The following CYP4A22 variants were observed in gnomAD, a reference collection of about 807,000 sequenced individuals.
CYP4A22 encodes cytochrome P450 family 4 subfamily A member 22.
A neutral mutation model predicts 56.2 loss-of-function variants in CYP4A22; 46 were observed. That is an observed-to-expected ratio of 0.82 (90% CI 0.65 to 1.05). The LOEUF is 1.05. Ranked by LOEUF, CYP4A22 falls within the 50% of genes least tolerant of loss-of-function variation. The pLI, the probability that CYP4A22 is intolerant of heterozygous loss-of-function variation, is 0.00. For missense variants in CYP4A22, 541 were observed against 645.9 expected (o/e 0.84, Z 1.76); for synonymous variants, 193 against 251.1 (o/e 0.77, Z 2.19).
At chr1:47,147,360 T>C (rs1285962955) in intron 11 of CYP4A22, 7 of 985,034 alleles carry the variant, frequency 7.1e-6, no homozygotes, top group Non-Finnish European at 8.4e-6. Flanking sequence ...TTTTATTCAT[T>C]TTAAAACTTA....
chr1:47,143,237 A>G (rs1179507250), intron 4 of CYP4A22, 32 bp from the exon 5 acceptor site: 4 of 1,573,034 alleles, frequency 2.5e-6, no homozygotes, highest in South Asian at 1.2e-5. Context: ...CTTCTTGGAG[A>G]TTAAGAAGGT....
intron 11 of CYP4A22, chr1:47,146,776 T>C (rs548940029): frequency 1.2e-4 from 123 of 988,316 alleles, no homozygotes; most frequent in South Asian, 5.6e-4. Context: ...TACTTCATTA[T>C]ATAGTGTTCA....
In CYP4A22 at chr1:47,144,669, A is replaced by G. The variant is rs138538377; in HGVS notation, c.1017A>G (p.Thr339=). 9.9e-6 allele frequency: 16 copies of G among 1,613,764 alleles called. No homozygotes were observed. In the African/African-American group the frequency reaches 2.0e-4, roughly 20 times the overall value. Reference sequence around the variant, plus strand: ...CCTGGATCCTCTATGCTCTGGCCACACACCCCAAGCATCAGGAGAGGTGCC... The same window carrying G: ...CCTGGATCCTCTATGCTCTGGCCACGCACCCCAAGCATCAGGAGAGGTGCC... The part of the protein sequence containing the change: ...GISWILYALA[T]HPKHQERCRE... Residue 339 remains threonine, a synonymous_variant, in exon 8 of 12, where the codon ACA becomes ACG. Coordinates refer to ENST00000371891, the MANE Select transcript of CYP4A22 (RefSeq NM_001010969.4).
intron 11 of CYP4A22, among the ~76,000 whole-genome samples, chr1:47,147,801 C>A (rs1188857279): frequency 6.6e-6 from 1 of 152,122 alleles, no homozygotes; most frequent in Non-Finnish European, 1.5e-5. Flanking sequence ...GGCAAGAGCC[C>A]ACGGAGGGCT....
chr1:47,139,798 C>T (rs1333070791), intron 1 of CYP4A22, among the ~76,000 whole-genome samples: 2 of 152,180 alleles, frequency 1.3e-5, no homozygotes, highest in Non-Finnish European at 2.9e-5. Context: ...CTACATGGAA[C>T]ATCACTAGGA....
chr1:47,141,237 C>T (rs184427237), intron 2 of CYP4A22, among the ~76,000 whole-genome samples: 2 of 152,330 alleles, frequency 1.3e-5, no homozygotes, highest in African/African-American at 2.4e-5. Flanking sequence ...GGTTTCGAAG[C>T]TCTAATTGTT....
At chr1:47,140,334 A>G (rs965207176) in intron 1 of CYP4A22, among the ~76,000 whole-genome samples, 4 of 152,238 alleles carry the variant, frequency 2.6e-5, no homozygotes, top group Non-Finnish European at 5.9e-5. Flanking sequence ...TTATCTCAAC[A>G]AATATTTACC....
Position 47,149,478 on chromosome 1 carries a change from C to T in CYP4A22, c.*681C>T, listed in dbSNP as rs1264314091. 6.6e-6 allele frequency: 1 copy of T among 152,268 alleles called. No homozygotes were observed. Among genetic ancestry groups the T allele is most frequent in the Non-Finnish European group, 1.5e-5 (1 of 68,074 alleles). 9.4% of individuals were successfully genotyped at this position (152,268 alleles called of 1,614,324 possible). On this transcript the variant is annotated 3_prime_UTR_variant, in exon 12 of 12. Coordinates refer to ENST00000371891, the MANE Select transcript of CYP4A22 (RefSeq NM_001010969.4). ...GGGCCTTCACAGCCTCCATACTTAG[C>T]TTTGGCGCCCTGGACCCACTTTCTC...
At chr1:47,145,116 A>G in intron 9 of CYP4A22, 146 bp downstream of exon 9, 1 of 1,397,932 alleles carries the variant, frequency 7.2e-7, no homozygotes. Flanking sequence ...ATTTAGGATG[A>G]ATTTGAAAAG....
chr1:47,143,330 T>G lies in CYP4A22; in HGVS notation c.572T>G (p.Leu191Trp), dbSNP rs1166712716. The change falls in exon 5 of 12, where the codon TTG (leucine) becomes TGG (tryptophan). Residue 191 changes from leucine to tryptophan, a missense_variant. Physicochemically the swap from Leu to Trp is moderately conservative, Grantham distance 61 (BLOSUM62 -2). Coordinates refer to ENST00000371891, the MANE Select transcript of CYP4A22 (RefSeq NM_001010969.4). ...SPLEVFQHVS[L>W]MTLDTIMKSA... ...CTGGAGGTCTTTCAGCACGTCTCCT[T>G]GATGACCCTGGACACCATCATGAAG... 2 of 1,613,910 alleles carry G rather than the reference T, an allele frequency of 1.2e-6. No homozygotes were observed. Among genetic ancestry groups the G allele is most frequent in the Admixed American group, 1.7e-5 (1 of 60,016 alleles).
At chr1:47,147,191 A>C in intron 11 of CYP4A22, 1 of 985,468 alleles carries the variant, frequency 1.0e-6, no homozygotes, top group Middle Eastern at 5.2e-4. Flanking sequence ...CTTCCTCCTG[A>C]AACTCCTTCT....
Position 47,143,181 on chromosome 1 carries a change from A to G in CYP4A22, c.511-88A>G, listed in dbSNP as rs895183837. On this transcript the variant is annotated intron_variant, in intron 4 of 11. Coordinates refer to ENST00000371891, the MANE Select transcript of CYP4A22 (RefSeq NM_001010969.4). ...TATCTGCAAGCTACAGGAAAAAACAAGATATCTGCAGGTACATGAAAAAGC... is the reference window on the plus strand; with the variant it reads ...TATCTGCAAGCTACAGGAAAAAACAGGATATCTGCAGGTACATGAAAAAGC... 37 of 1,540,484 alleles carry G rather than the reference A, an allele frequency of 2.4e-5. 3 individuals are homozygous for G. Among genetic ancestry groups the G allele is most frequent in the African/African-American group, 1.2e-4 (9 of 72,842 alleles).
At chr1:47,147,770 G>A (rs1645091661) in intron 11 of CYP4A22, among the ~76,000 whole-genome samples, 1 of 152,164 alleles carries the variant, frequency 6.6e-6, no homozygotes. Context: ...GATGTGGGCT[G>A]GACAGGTAAA....
At position 47,145,950 on chromosome 1, in the gene CYP4A22, A is replaced by G; in HGVS notation, c.1287+20A>G. ...CTAGAGGTATGTGGTCCTTGAGAGG[A>G]GGAAATGGGGTGATCTCTCAAGACC... is the stretch of plus-strand genomic sequence containing the variant. On this transcript the variant is annotated intron_variant, in intron 10 of 11. Transcript: ENST00000371891. 1 of 1,614,036 alleles carries G rather than the reference A, an allele frequency of 6.2e-7. No individual in the cohort carries two copies. The highest frequency in any genetic ancestry group is 8.5e-7 in the Non-Finnish European group (1 of 1,179,988).
At chr1:47,147,119 G>C in intron 11 of CYP4A22, 1 of 985,440 alleles carries the variant, frequency 1.0e-6, no homozygotes. Flanking sequence ...AACAAAGTTT[G>C]TTCAAAGAAA....
chr1:47,141,562 AC>A lies in CYP4A22; in HGVS notation c.338-8del. ...CTAGTTTCCTATAAAGCCCTTTCTT[AC>A]TTTTCAGACCCGAAATCCCATGGAT... On this transcript the variant is annotated splice_polypyrimidine_tract_variant and splice_region_variant and intron_variant, in intron 2 of 11. Coordinates refer to ENST00000371891, the MANE Select transcript of CYP4A22 (RefSeq NM_001010969.4). The A allele has an allele frequency of 6.2e-7, 1 of 1,613,344 alleles. No homozygotes were observed. The highest frequency in any genetic ancestry group is 8.5e-7 in the Non-Finnish European group (1 of 1,179,512).
chr1:47,145,793 C>T, intron 9 of CYP4A22, 73 bp from the exon 10 acceptor site: 1 of 1,596,752 alleles, frequency 6.3e-7, no homozygotes, highest in Non-Finnish European at 8.5e-7. Flanking sequence ...CTTCTTTTGC[C>T]CCTGCAGGCT....
intron 4 of CYP4A22, among the ~76,000 whole-genome samples, chr1:47,142,667 C>A (rs1274784415): frequency 2.0e-5 from 3 of 152,322 alleles, no homozygotes. Context: ...ATTTAAGCCA[C>A]CCTGGGAAGG....
intron 8 of CYP4A22, 47 bp downstream of exon 8, chr1:47,144,787 G>T (rs200196132): frequency 6.7e-5 from 108 of 1,611,504 alleles, no homozygotes; most frequent in Admixed American, 5.0e-5. Context: ...CTCCACAGGG[G>T]CCCCTGGTCT....
Sources: gnomAD v4.1 joint callset for allele counts (sites outside exome capture counted in the v4.1 genomes callset) on GRCh38, gnomAD v4.1.1 for gene constraint, MANE v1.5 for transcripts, NCBI Gene and HGNC (gene_info 2026-07-23, HGNC 2026-07-21) for gene names.